Variants in FNBP1 observed in about 807,000 individuals in gnomAD.
FNBP1 encodes the protein formin binding protein 1, also known as formin-binding protein 1.
In FNBP1, 26 loss-of-function variants were observed where a neutral mutation model predicts 90.6. The ratio of observed to expected loss-of-function variants is 0.29; its 90% CI spans 0.21 to 0.40. The LOEUF is 0.40. FNBP1 is among the 10% of genes least tolerant of loss of function. The pLI is 1.00. For synonymous variants in FNBP1, 260 were observed against 265.2 expected (o/e 0.98, Z 0.19); for missense variants, 635 against 768.0 (o/e 0.83, Z 2.05).
At position 129,888,845 on chromosome 9, in the gene FNBP1, G is replaced by A. The variant is rs564846361; in HGVS notation, c.*1694C>T. 9 of 232,474 alleles carry A rather than the reference G, an allele frequency of 3.9e-5. No individual in the cohort carries two copies. In the East Asian group the frequency reaches 4.9e-4, roughly 13 times the overall value. 14.4% of individuals were successfully genotyped at this position (232,474 alleles called of 1,614,324 possible). ...CCATCCCTTGGGACCTGTCCTTTCC[G>A]TCCCTGTCCCTTTGGCTTCTATAGG... On this transcript the variant is annotated 3_prime_UTR_variant, in exon 17 of 17. Coordinates refer to ENST00000446176, the MANE Select transcript of FNBP1 (RefSeq NM_015033.3).
chr9:130,030,432 CT>C (rs1322412870), intron 1 of FNBP1, among the ~76,000 whole-genome samples: 1 of 22,000 alleles, frequency 4.5e-5, no homozygotes, highest in African/African-American at 2.1e-4. Flanking sequence ...AAGACTCCGT[CT>C]CCAAAAAAAA....
chr9:129,942,724 T>C (rs941553818), intron 6 of FNBP1, among the ~76,000 whole-genome samples: 1 of 152,206 alleles, frequency 6.6e-6, no homozygotes, highest in African/African-American at 2.4e-5. Flanking sequence ...AAAGGAAACA[T>C]GGAGAGGACT....
At chr9:129,909,093 C>T (rs1352631458) in intron 11 of FNBP1, 94 bp from the exon 12 acceptor site, 1 of 814,504 alleles carries the variant, frequency 1.2e-6, no homozygotes, top group South Asian at 1.4e-5. Flanking sequence ...GGGGTGCAGA[C>T]ATCTGCATGT....
At chr9:129,963,330 CT>C (rs1349197919) in intron 4 of FNBP1, among the ~76,000 whole-genome samples, 2 of 151,062 alleles carry the variant, frequency 1.3e-5, no homozygotes, top group Non-Finnish European at 3.0e-5. Flanking sequence ...AGACAAGAGT[CT>C]TAAAAAAAAA....
intron 2 of FNBP1, among the ~76,000 whole-genome samples, chr9:129,993,624 CTTTTT>C (rs10533724): frequency 8.9e-6 from 1 of 112,266 alleles, no homozygotes; most frequent in African/African-American, 3.4e-5. Context: ...CCCCAAAGCA[CTTTTT>C]TTTTTTTTTT....
chr9:129,907,916 A>T (rs2038452293), intron 12 of FNBP1, among the ~76,000 whole-genome samples: 1 of 151,498 alleles, frequency 6.6e-6, no homozygotes. Context: ...TTTAGTAGAG[A>T]CAGGGTTTCA....
chr9:129,978,004 G>A (rs996907481), intron 4 of FNBP1, among the ~76,000 whole-genome samples: 1 of 151,740 alleles, frequency 6.6e-6, no homozygotes, highest in African/African-American at 2.4e-5. Context: ...CTAGGAACAG[G>A]GTCTGTAACT....
intron 10 of FNBP1, among the ~76,000 whole-genome samples, chr9:129,918,479 C>G (rs942015609): frequency 6.6e-6 from 1 of 152,208 alleles, no homozygotes; most frequent in African/African-American, 2.4e-5. Context: ...CCACAAGCGT[C>G]AATAACACAT....
chr9:129,944,570 T>C (rs1338077977), intron 6 of FNBP1, among the ~76,000 whole-genome samples: 1 of 138,598 alleles, frequency 7.2e-6, no homozygotes, highest in East Asian at 2.1e-4. Flanking sequence ...GACTAAAGGG[T>C]AAGAGATGAG....
chr9:129,979,459 T>TA (rs2050841229), intron 2 of FNBP1, 85 bp from the exon 3 acceptor site: 2 of 993,636 alleles, frequency 2.0e-6, no homozygotes, highest in Non-Finnish European at 3.1e-6. Flanking sequence ...GTGCTTTTGT[T>TA]ACAAGTTTAA....
At chr9:129,976,101 T>A (rs1313950381) in intron 4 of FNBP1, among the ~76,000 whole-genome samples, 2 of 152,162 alleles carry the variant, frequency 1.3e-5, no homozygotes, top group African/African-American at 4.8e-5. Flanking sequence ...TCTGTTTCAC[T>A]GCATCCTTTC....
intron 1 of FNBP1, among the ~76,000 whole-genome samples, chr9:129,999,007 GC>G (rs2131390380): frequency 6.6e-6 from 1 of 152,274 alleles, no homozygotes; most frequent in South Asian, 2.1e-4. Flanking sequence ...ACCTGAGGAT[GC>G]CCCCACGCTC....
chr9:130,027,253 T>C (rs1202151436), intron 1 of FNBP1, among the ~76,000 whole-genome samples: 3 of 152,180 alleles, frequency 2.0e-5, no homozygotes, highest in Non-Finnish European at 4.4e-5. Context: ...AAAAACTGTT[T>C]ATGGAGTTTG....
intron 6 of FNBP1, among the ~76,000 whole-genome samples, chr9:129,941,728 G>A (rs1215181171): frequency 6.6e-6 from 1 of 152,038 alleles, no homozygotes; most frequent in Admixed American, 6.6e-5. Context: ...GCCTCCCAAA[G>A]TGTTGGAATT....
chr9:129,998,103 G>C lies in FNBP1; in HGVS notation c.25-3145C>G, dbSNP rs535187891. On this transcript the variant is annotated intron_variant, in intron 1 of 16. Transcript: ENST00000446176. ...CCAAGCTACTCAGGAGGCTGAGGCA[G>C]GAGAATCCACTGAACTCAGGAGACA... Among the ~76,000 whole-genome samples the C allele has an allele frequency of 2.7e-5, 4 of 150,598 alleles. No individual in the cohort carries two copies. In the South Asian group the frequency reaches 6.3e-4, roughly 24 times the overall value.
At chr9:129,939,447 T>C (rs1157710941) in intron 6 of FNBP1, among the ~76,000 whole-genome samples, 1 of 152,024 alleles carries the variant, frequency 6.6e-6, no homozygotes. Flanking sequence ...ATACTGTCAA[T>C]GAAGTAAATA....
At chr9:129,932,252 GAGAA>G (rs2042879990) in intron 6 of FNBP1, among the ~76,000 whole-genome samples, 1 of 151,540 alleles carries the variant, frequency 6.6e-6, no homozygotes, top group Non-Finnish European at 1.5e-5. Flanking sequence ...ACGAATGAAA[GAGAA>G]AGAAAGAGAA....
At chr9:129,943,854 G>A (rs182934282) in intron 6 of FNBP1, among the ~76,000 whole-genome samples, 3 of 151,912 alleles carry the variant, frequency 2.0e-5, no homozygotes, top group East Asian at 2.0e-4. Flanking sequence ...TTAGCCGGGC[G>A]TGGTATCGGG....
intron 11 of FNBP1, among the ~76,000 whole-genome samples, chr9:129,912,724 C>T (rs570095060): frequency 4.5e-4 from 67 of 147,568 alleles, no homozygotes; most frequent in Admixed American, 2.2e-3. Context: ...CAAAATCTGG[C>T]AAGTGGTCAA....
Sources: gnomAD v4.1 joint callset for allele counts (sites outside exome capture counted in the v4.1 genomes callset) on GRCh38, gnomAD v4.1.1 for gene constraint, MANE v1.5 for transcripts, NCBI Gene and HGNC (gene_info 2026-07-23, HGNC 2026-07-21) for gene names.